The following TRIO variants were observed in gnomAD, a reference collection of about 807,000 sequenced individuals.
TRIO encodes the protein triple functional domain protein.
Under a neutral mutation model 351.9 loss-of-function variants are expected in TRIO, and 58 were observed. That is an observed-to-expected ratio of 0.16 (90% CI 0.13 to 0.21). The LOEUF is 0.21. Among genes scored for constraint, TRIO ranks in the 10% least tolerant of loss-of-function variants. The probability of loss-of-function intolerance (pLI) is 1.00; values close to 1 mark genes in which losing one functional copy is unlikely to be tolerated. For missense variants in TRIO, 3,201 were observed against 4,027.8 expected (o/e 0.79, Z 5.56); for synonymous variants, 1,758 against 1,595.7 (o/e 1.10, Z -2.42).
chr5:14,196,422 CA>C (rs71597902), intron 1 of TRIO, among the ~76,000 whole-genome samples: 52 of 101,672 alleles, frequency 5.1e-4, no homozygotes, highest in Admixed American at 1.3e-3. Context: ...GACTCCGTCT[CA>C]AAAAAAAAAA....
intron 1 of TRIO, among the ~76,000 whole-genome samples, chr5:14,223,362 AG>A (rs1195734633): frequency 6.6e-6 from 1 of 152,226 alleles, no homozygotes; most frequent in African/African-American, 2.4e-5. Flanking sequence ...AGTTCAGTTC[AG>A]ATTTTGTGTG....
At chr5:14,412,802 C>T (rs2152384926) in intron 33 of TRIO, among the ~76,000 whole-genome samples, 1 of 152,308 alleles carries the variant, frequency 6.6e-6, no homozygotes, top group East Asian at 1.9e-4. Flanking sequence ...TCAGAGTGTA[C>T]CTGGCAGTGG....
chr5:14,308,649 T>TCATCCATCCATCCATC (rs55799712), intron 8 of TRIO, among the ~76,000 whole-genome samples: 8 of 139,264 alleles, frequency 5.7e-5, no homozygotes, highest in Admixed American at 7.1e-5. Flanking sequence ...CACCCATTCA[T>TCATCCATCCATCCATC]CATCCATCCA....
chr5:14,396,800 A>G (rs1747638692), intron 28 of TRIO, among the ~76,000 whole-genome samples: 1 of 152,052 alleles, frequency 6.6e-6, no homozygotes, highest in Non-Finnish European at 1.5e-5. Context: ...CTTGATTGTT[A>G]ACAGGTATAC....
chr5:14,433,835 T>A (rs757792134), intron 34 of TRIO, among the ~76,000 whole-genome samples: 51 of 152,318 alleles, frequency 3.3e-4, no homozygotes, highest in Middle Eastern at 6.8e-3. Flanking sequence ...TGATTTTGAT[T>A]TTAAGGATCT....
chr5:14,173,645 A>G (rs1439861701), intron 1 of TRIO, among the ~76,000 whole-genome samples: 10 of 152,350 alleles, frequency 6.6e-5, no homozygotes, highest in Admixed American at 1.3e-4. Flanking sequence ...AGGAATAATT[A>G]GATAAGGATT....
intron 28 of TRIO, 72 bp from the exon 29 acceptor site, chr5:14,396,971 C>T: frequency 7.5e-7 from 1 of 1,328,428 alleles, no homozygotes; most frequent in South Asian, 1.3e-5. Context: ...CTTTCATAAA[C>T]TGTTTCTGCC....
At chr5:14,420,285 C>G (rs1365437832) in intron 34 of TRIO, 1 of 447,414 alleles carries the variant, frequency 2.2e-6, no homozygotes, top group African/African-American at 2.0e-5. Flanking sequence ...TAGAGAAGAA[C>G]ACTGATTTTG....
At chr5:14,317,456 C>T (rs1739470858) in intron 9 of TRIO, among the ~76,000 whole-genome samples, 1 of 152,134 alleles carries the variant, frequency 6.6e-6, no homozygotes, top group Non-Finnish European at 1.5e-5. Flanking sequence ...CTGGAGTATG[C>T]AGGGTAGCCC....
At chr5:14,173,654 T>C (rs1312488565) in intron 1 of TRIO, among the ~76,000 whole-genome samples, 2 of 152,356 alleles carry the variant, frequency 1.3e-5, no homozygotes, top group South Asian at 2.1e-4. Context: ...TAGATAAGGA[T>C]TGGGGGCACC....
At chr5:14,188,892 A>G (rs764874811) in intron 1 of TRIO, among the ~76,000 whole-genome samples, 20 of 152,368 alleles carry the variant, frequency 1.3e-4, no homozygotes, top group Non-Finnish European at 2.5e-4. Context: ...AAATACTAGC[A>G]TATGAATACT....
intron 3 of TRIO, among the ~76,000 whole-genome samples, chr5:14,285,893 G>A (rs957251873): frequency 6.6e-6 from 1 of 152,178 alleles, no homozygotes; most frequent in Non-Finnish European, 1.5e-5. Flanking sequence ...GTAACAGTGA[G>A]GGTTGCAGTT....
At chr5:14,256,827 CT>C (rs1367749429) in intron 1 of TRIO, among the ~76,000 whole-genome samples, 2 of 152,198 alleles carry the variant, frequency 1.3e-5, no homozygotes, top group Non-Finnish European at 2.9e-5. Flanking sequence ...GTACTGTGAG[CT>C]TTCACAAAAC....
chr5:14,363,711 A>G, intron 13 of TRIO, 21 bp from the exon 14 acceptor site: 2 of 1,602,150 alleles, frequency 1.2e-6, no homozygotes, highest in Non-Finnish European at 1.7e-6. Context: ...TTTTGTCTTG[A>G]TCTTAAATAC....
chr5:14,173,771 C>T (rs1163797224), intron 1 of TRIO, among the ~76,000 whole-genome samples: 1 of 152,172 alleles, frequency 6.6e-6, no homozygotes, highest in Non-Finnish European at 1.5e-5. Flanking sequence ...TCTATGTTTG[C>T]TTATTGCTAA....
At chr5:14,431,812 G>A (rs1168385704) in intron 34 of TRIO, among the ~76,000 whole-genome samples, 2 of 152,142 alleles carry the variant, frequency 1.3e-5, no homozygotes, top group Admixed American at 6.5e-5. Flanking sequence ...CAGCAGGGTC[G>A]GCTTCCTCTG....
chr5:14,348,924 C>T (rs1742726097), intron 11 of TRIO, among the ~76,000 whole-genome samples: 1 of 144,370 alleles, frequency 6.9e-6, no homozygotes, highest in Non-Finnish European at 1.5e-5. Flanking sequence ...CGCACGTGAG[C>T]ATGTGTTTTT....
chr5:14,422,397 C>T (rs1750243785), intron 34 of TRIO, among the ~76,000 whole-genome samples: 1 of 152,242 alleles, frequency 6.6e-6, no homozygotes, highest in Non-Finnish European at 1.5e-5. Context: ...TTTTCACAAC[C>T]TCAGTGCCTC....
chr5:14,482,870 G>A (rs531032930), intron 46 of TRIO, 97 bp downstream of exon 46: 169 of 1,193,778 alleles, frequency 1.4e-4, no homozygotes, highest in African/African-American at 8.3e-4. Context: ...CTGATGCTTC[G>A]TTTAAGTATT....
Sources: allele counts gnomAD v4.1 joint callset (sites outside exome capture counted in the v4.1 genomes callset), GRCh38; gene constraint gnomAD v4.1.1; transcripts MANE v1.5; gene names NCBI Gene and HGNC (gene_info 2026-07-23, HGNC 2026-07-21).